Variants in ETFA observed in about 807,000 individuals in gnomAD.
The protein encoded by ETFA is electron transfer flavoprotein subunit alpha, mitochondrial.
ETFA carries 22 observed loss-of-function variants against 46.2 expected under a neutral mutation model. The observed-to-expected ratio is 0.48, with a 90% CI of 0.34 to 0.68. The LOEUF (loss-of-function observed/expected upper bound fraction) is 0.68, where lower values mean the gene tolerates loss of function less well. Ranked by LOEUF, ETFA falls within the 30% of genes least tolerant of loss-of-function variation. The pLI, the probability that ETFA is intolerant of heterozygous loss-of-function variation, is 0.01. For synonymous variants in ETFA, 131 were observed against 139.9 expected (o/e 0.94, Z 0.45); for missense variants, 345 against 401.1 (o/e 0.86, Z 1.19).
intron 7 of ETFA, chr15:76,284,823 G>A (rs181321699): frequency 9.0e-5 from 28 of 311,636 alleles, no homozygotes; most frequent in African/African-American, 3.9e-4. Context: ...CCAGCTACTC[G>A]GGAGGCTGAG....
intron 9 of ETFA, 145 bp from the exon 10 acceptor site, chr15:76,231,543 T>A: frequency 1.7e-6 from 1 of 573,328 alleles, no homozygotes. Context: ...TATGCTTTTC[T>A]TTTTCTCTGA....
chr15:76,228,472 G>T (rs1011982822), intron 10 of ETFA, among the ~76,000 whole-genome samples: 12 of 151,890 alleles, frequency 7.9e-5, no homozygotes, highest in Non-Finnish European at 1.8e-4. Flanking sequence ...AGTGCCTTGG[G>T]ATTACAGTGC....
intron 11 of ETFA, among the ~76,000 whole-genome samples, chr15:76,224,505 C>T (rs1327014235): frequency 1.3e-5 from 2 of 152,220 alleles, no homozygotes; most frequent in African/African-American, 4.8e-5. Context: ...GTCCTATTTC[C>T]ATCCTTCACT....
chr15:76,216,976 G>C (rs2038903325), intron 11 of ETFA, among the ~76,000 whole-genome samples: 1 of 149,366 alleles, frequency 6.7e-6, no homozygotes, highest in South Asian at 2.1e-4. Context: ...CTCCCAAGTA[G>C]CCACCAACCT....
chr15:76,296,794 C>T (rs1479672602), intron 1 of ETFA, among the ~76,000 whole-genome samples: 1 of 152,066 alleles, frequency 6.6e-6, no homozygotes, highest in African/African-American at 2.4e-5. Flanking sequence ...AAGAATGGTC[C>T]CTGTATATTT....
At position 76,311,381 on chromosome 15, in the gene ETFA, C is replaced by T; in HGVS notation, c.8G>A (p.Arg3Gln). 6.4e-7 allele frequency: 1 copy of T among 1,564,178 alleles called. No homozygotes were observed. The highest frequency in any genetic ancestry group is 8.7e-7 in the Non-Finnish European group (1 of 1,155,272). Reference protein sequence around the residue: MFRAAAPGQLRRA... With the variant: MFQAAAPGQLRRA... Reference sequence around the variant, plus strand: ...CCGGAGCTGCCCCGGAGCCGCCGCTCGGAACATGGTCTCCGCTTCCGCCGC... The same window carrying T: ...CCGGAGCTGCCCCGGAGCCGCCGCTTGGAACATGGTCTCCGCTTCCGCCGC... The change falls in exon 1 of 12, where the codon CGA becomes CAA. Residue 3 changes from arginine (R) to glutamine (Q), a missense_variant. Physicochemically the swap from Arg to Gln is conservative, Grantham distance 43. Transcript: ENST00000557943.
chr15:76,259,279 A>G, intron 9 of ETFA: 1 of 1,573,326 alleles, frequency 6.4e-7, no homozygotes, highest in Non-Finnish European at 8.7e-7. Context: ...GATAGCACAG[A>G]CAGCTGGCCC....
chr15:76,221,137 T>C (rs972426870), intron 11 of ETFA, among the ~76,000 whole-genome samples: 2 of 152,238 alleles, frequency 1.3e-5, no homozygotes, highest in Admixed American at 6.5e-5. Context: ...ATGGATATTA[T>C]TTGGCAAGAA....
Position 76,285,621 on chromosome 15 carries a change from T to G in ETFA, c.664+16A>C, listed in dbSNP as rs758738181. The G allele has an allele frequency of 3.7e-6, 5 of 1,368,790 alleles. No individual in the cohort carries two copies. Among genetic ancestry groups the G allele is most frequent in the Non-Finnish European group, 5.2e-6 (5 of 956,880 alleles). 84.8% of individuals were successfully genotyped at this position (1,368,790 alleles called of 1,614,324 possible). A position where few individuals can be genotyped will look rare whatever the true frequency, so the allele number is the denominator to read the frequency against. ...TATTTTCAATTTACATCTTTTAAGA[T>G]TAATATTTCACTTACCACCAGATAC... is the stretch of plus-strand genomic sequence containing the variant. On this transcript the variant is annotated intron_variant, in intron 7 of 11. Transcript: ENST00000557943.
intron 9 of ETFA, among the ~76,000 whole-genome samples, chr15:76,242,469 G>C (rs1479036943): frequency 6.6e-6 from 1 of 152,122 alleles, no homozygotes; most frequent in African/African-American, 2.4e-5. Context: ...AAAGCAACCA[G>C]AGGAAACCAA....
intron 9 of ETFA, among the ~76,000 whole-genome samples, chr15:76,239,418 T>C (rs1296927345): frequency 2.6e-5 from 4 of 152,200 alleles, no homozygotes; most frequent in Non-Finnish European, 4.4e-5. Context: ...TTTACTCTCT[T>C]AGCAAATCTT....
chr15:76,278,108 A>G (rs950298595), intron 8 of ETFA, among the ~76,000 whole-genome samples: 1 of 152,172 alleles, frequency 6.6e-6, no homozygotes, highest in Non-Finnish European at 1.5e-5. Context: ...AAAGACCTAC[A>G]CTAGTCTTAT....
intron 9 of ETFA, among the ~76,000 whole-genome samples, chr15:76,271,611 G>A (rs966402589): frequency 6.6e-6 from 1 of 152,104 alleles, no homozygotes; most frequent in Non-Finnish European, 1.5e-5. Context: ...TGGAATAACA[G>A]GCAAAACCTG....
intron 9 of ETFA, among the ~76,000 whole-genome samples, chr15:76,248,454 T>A (rs566101478): frequency 6.3e-4 from 96 of 151,948 alleles, no homozygotes; most frequent in Admixed American, 2.2e-3. Context: ...AAAATACAGG[T>A]GAATATCTTT....
Position 76,286,492 on chromosome 15 carries a change from C to A in ETFA, c.452-11G>T, listed in dbSNP as rs1261287191. The A allele has an allele frequency of 1.3e-6, 2 of 1,565,916 alleles. No individual in the cohort carries two copies. Among genetic ancestry groups the A allele is most frequent in the Non-Finnish European group, 1.8e-6 (2 of 1,136,870 alleles). ...TACATAGAGCATTTCCTGAAACATA[C>A]AATCTATTTCTTAAAAGCAACAGCA... On this transcript the variant is annotated splice_polypyrimidine_tract_variant and intron_variant, in intron 5 of 11. Coordinates refer to ENST00000557943, the MANE Select transcript of ETFA (RefSeq NM_000126.4).
intron 9 of ETFA, chr15:76,259,185 T>A (rs1023176836): frequency 2.6e-6 from 4 of 1,521,918 alleles, no homozygotes; most frequent in East Asian, 4.5e-5. Flanking sequence ...GTAGGGCTGA[T>A]CCCCGCTAGG....
In ETFA at chr15:76,295,755, G is replaced by GA. The variant is rs755841159; in HGVS notation, c.40-19dup. ...AATGAGGCCTAAAAAGAGCAAAAAG[G>GA]AAAAAAAAAGGTAAAGAATGTTGTC... On this transcript the variant is annotated intron_variant, in intron 1 of 11. Transcript: ENST00000557943. 842 of 1,450,084 alleles carry GA rather than the reference G, an allele frequency of 5.8e-4. No homozygotes were observed. The highest frequency in any genetic ancestry group is 6.4e-4 in the Non-Finnish European group (692 of 1,072,972). The allele number at this position is 1,450,084 out of a possible 1,614,324, so 89.8% of individuals were successfully genotyped here.
At chr15:76,220,869 T>G (rs567131989) in intron 11 of ETFA, among the ~76,000 whole-genome samples, 1 of 152,282 alleles carries the variant, frequency 6.6e-6, no homozygotes, top group East Asian at 1.9e-4. Flanking sequence ...CCCTCACAAA[T>G]TTTTGGTGGG....
At chr15:76,242,978 G>C (rs749079175) in intron 9 of ETFA, among the ~76,000 whole-genome samples, 1 of 152,188 alleles carries the variant, frequency 6.6e-6, no homozygotes, top group Non-Finnish European at 1.5e-5. Context: ...GAATGTGGTT[G>C]AAGTCATTAA....
Sources: allele counts gnomAD v4.1 joint callset (sites outside exome capture counted in the v4.1 genomes callset), GRCh38; gene constraint gnomAD v4.1.1; transcripts MANE v1.5; gene names NCBI Gene and HGNC (gene_info 2026-07-23, HGNC 2026-07-21).